PDE10A: variants seen among roughly 807,000 people sequenced by gnomAD.
PDE10A encodes the protein cAMP and cAMP-inhibited cGMP 3',5'-cyclic phosphodiesterase 10A.
PDE10A carries 39 observed loss-of-function variants against 97.7 expected under a neutral mutation model. The observed-to-expected ratio is 0.40, with a 90% CI of 0.31 to 0.52. The LOEUF is 0.52. Among genes scored for constraint, PDE10A ranks in the 20% least tolerant of loss-of-function variants. The pLI is 0.56. For synonymous variants in PDE10A, 371 were observed against 376.8 expected (o/e 0.98, Z 0.18); for missense variants, 731 against 1,047.8 (o/e 0.70, Z 4.17).
Position 165,347,095 on chromosome 6 carries a change from CT to C in PDE10A, c.2784-3594del, listed in dbSNP as rs964477301. Reference sequence around the variant, plus strand: ...TTTTCTCTAAATTATCACCTTAATGCTTTTTTTTTTATCTTGCTTTTAAACT... The same window carrying C: ...TTTTCTCTAAATTATCACCTTAATGCTTTTTTTTTATCTTGCTTTTAAACT... On this transcript the variant is annotated intron_variant, in intron 18 of 21. Coordinates refer to ENST00000539869, the MANE Select transcript of PDE10A (RefSeq NM_001385079.1). Among the ~76,000 whole-genome samples the C allele has an allele frequency of 9.7e-3, 1,424 of 147,014 alleles. 6 individuals carry two copies. The highest frequency in any genetic ancestry group is 0.031 in the South Asian group (146 of 4,650).
At chr6:165,738,992 A>C (rs1792651864) in intron 1 of PDE10A, among the ~76,000 whole-genome samples, 2 of 152,266 alleles carry the variant, frequency 1.3e-5, no homozygotes, top group East Asian at 3.8e-4. Context: ...GAAATGGGAG[A>C]GGATACAAAT....
intron 18 of PDE10A, among the ~76,000 whole-genome samples, chr6:165,346,143 G>A (rs1348111956): frequency 6.6e-6 from 1 of 152,162 alleles, no homozygotes. Flanking sequence ...CCAGAGGAGT[G>A]GCCTGATACA....
At chr6:165,725,687 A>G (rs1019163922) in intron 1 of PDE10A, among the ~76,000 whole-genome samples, 2 of 152,164 alleles carry the variant, frequency 1.3e-5, no homozygotes, top group Non-Finnish European at 2.9e-5. Flanking sequence ...GTACTTACGA[A>G]AAAAATCAAC....
intron 3 of PDE10A, among the ~76,000 whole-genome samples, chr6:165,463,491 T>C (rs1451837750): frequency 6.6e-6 from 1 of 152,186 alleles, no homozygotes; most frequent in Non-Finnish European, 1.5e-5. Context: ...AGTAACCCAT[T>C]AATATGGATA....
At chr6:165,660,138 C>G in intron 1 of PDE10A, 1 of 152,344 alleles carries the variant, frequency 6.6e-6, no homozygotes, top group East Asian at 1.9e-4. Flanking sequence ...CAGGAGGAAC[C>G]CCAGTCCTAG....
chr6:165,707,373 G>T (rs934957137), intron 1 of PDE10A, among the ~76,000 whole-genome samples: 1 of 152,220 alleles, frequency 6.6e-6, no homozygotes, highest in African/African-American at 2.4e-5. Context: ...ACTCAGGGGC[G>T]CTCAGAAGGC....
chr6:165,827,122 C>A (rs1044327868), intron 1 of PDE10A, among the ~76,000 whole-genome samples: 12 of 152,160 alleles, frequency 7.9e-5, no homozygotes, highest in African/African-American at 2.2e-4. Flanking sequence ...TGACTTCCTG[C>A]GGGCCCTCCG....
intron 1 of PDE10A, among the ~76,000 whole-genome samples, chr6:165,608,691 T>A (rs1191787745): frequency 1.7e-4 from 26 of 152,298 alleles, no homozygotes; most frequent in South Asian, 8.3e-4. Context: ...CGCCACACTG[T>A]CTTCCACAAT....
chr6:165,678,111 G>C (rs58253725), intron 1 of PDE10A, among the ~76,000 whole-genome samples: 128,996 of 147,734 alleles, frequency 0.87, 56,475 homozygotes, highest in South Asian at 0.92. Context: ...GTATGTATTT[G>C]TGTGGGTGTG....
intron 2 of PDE10A, among the ~76,000 whole-genome samples, chr6:165,496,159 G>A (rs909111748): frequency 2.0e-5 from 3 of 151,968 alleles, no homozygotes; most frequent in Admixed American, 6.6e-5. Context: ...GCATAAAGAC[G>A]TTGAGACGCA....
At chr6:165,885,447 A>G (rs1309463527) in intron 1 of PDE10A, among the ~76,000 whole-genome samples, 1 of 152,076 alleles carries the variant, frequency 6.6e-6, no homozygotes, top group Non-Finnish European at 1.5e-5. Flanking sequence ...CCGTGATCCA[A>G]TCACCTCCCG....
At chr6:165,452,106 A>G (rs1791338273) in intron 3 of PDE10A, among the ~76,000 whole-genome samples, 1 of 152,170 alleles carries the variant, frequency 6.6e-6, no homozygotes, top group Non-Finnish European at 1.5e-5. Flanking sequence ...ACACATTTAC[A>G]GGGGGAGCCC....
chr6:165,829,966 T>C (rs1222372651), intron 1 of PDE10A, among the ~76,000 whole-genome samples: 1 of 152,158 alleles, frequency 6.6e-6, no homozygotes, highest in Non-Finnish European at 1.5e-5. Flanking sequence ...CACGGACAAC[T>C]GTACACAGGC....
chr6:165,374,769 T>C (rs1784508721), intron 18 of PDE10A, among the ~76,000 whole-genome samples: 1 of 151,930 alleles, frequency 6.6e-6, no homozygotes, highest in Non-Finnish European at 1.5e-5. Flanking sequence ...TTTTTTTTTT[T>C]TACAAATTGA....
At chr6:165,529,170 G>A (rs930126157) in intron 2 of PDE10A, among the ~76,000 whole-genome samples, 1 of 152,180 alleles carries the variant, frequency 6.6e-6, no homozygotes, top group Non-Finnish European at 1.5e-5. Flanking sequence ...CTACCTTTAA[G>A]TCAACAAGCT....
chr6:165,364,177 T>G (rs1013446673), intron 18 of PDE10A, among the ~76,000 whole-genome samples: 2 of 152,188 alleles, frequency 1.3e-5, no homozygotes, highest in African/African-American at 4.8e-5. Flanking sequence ...CCCCTAAAAT[T>G]AATATGTTAA....
intron 1 of PDE10A, among the ~76,000 whole-genome samples, chr6:165,545,889 T>C (rs1783715189): frequency 6.6e-6 from 1 of 152,064 alleles, no homozygotes; most frequent in African/African-American, 2.4e-5. Flanking sequence ...TCTTTCTGTA[T>C]GACCCAAAAA....
chr6:165,345,752 T>C (rs184193212), intron 18 of PDE10A, among the ~76,000 whole-genome samples: 181 of 152,376 alleles, frequency 1.2e-3, no homozygotes, highest in Middle Eastern at 0.01. Flanking sequence ...AATGCCTGCA[T>C]GTATCTGGCA....
rs28556274 is a variant in PDE10A at position 165,958,563 on chromosome 6, A to G, written c.-615+28966T>C. 1.6e-3 allele frequency among the ~76,000 whole-genome samples: 24 copies of G among 15,228 alleles called. 1 individual carries two copies. The highest frequency in any genetic ancestry group is 4.4e-3 in the East Asian group (2 of 456). 10.0% of individuals were successfully genotyped at this position (15,228 alleles called of 152,430 possible). A position where few individuals can be genotyped will look rare whatever the true frequency, so the allele number is the denominator to read the frequency against. On this transcript the variant is annotated intron_variant, in intron 1 of 19. Coordinates refer to the PDE10A transcript ENST00000366882. ...AAAGAAAGAAAGAAAGAAAGAAAGA[A>G]AGACAGACAGAAAGAAAGACAGAAA...
Sources: allele counts gnomAD v4.1 joint callset (sites outside exome capture counted in the v4.1 genomes callset), GRCh38; gene constraint gnomAD v4.1.1; transcripts MANE v1.5; gene names NCBI Gene and HGNC (gene_info 2026-07-23, HGNC 2026-07-21).